Variants in MYO9A observed in about 807,000 individuals in gnomAD.
MYO9A encodes the protein unconventional myosin-IXa.
Under a neutral mutation model 293.3 loss-of-function variants are expected in MYO9A, and 103 were observed. That is an observed-to-expected ratio of 0.35 (90% confidence interval 0.30 to 0.41). The LOEUF is 0.41. MYO9A is among the 10% of genes least tolerant of loss of function. The pLI is 1.00. For synonymous variants in MYO9A, 1,001 were observed against 1,035.7 expected (o/e 0.97, Z 0.64); for missense variants, 2,685 against 3,033.0 (o/e 0.89, Z 2.69).
At chr15:71,843,084 T>A (rs2055233821) in intron 39 of MYO9A, among the ~76,000 whole-genome samples, 1 of 152,112 alleles carries the variant, frequency 6.6e-6, no homozygotes, top group South Asian at 2.1e-4. Flanking sequence ...TGTCTGATGT[T>A]TTTATGAGAG....
chr15:71,895,408 C>T (rs1273040740), intron 25 of MYO9A, among the ~76,000 whole-genome samples: 1 of 152,210 alleles, frequency 6.6e-6, no homozygotes, highest in African/African-American at 2.4e-5. Context: ...ATCACCACTA[C>T]AGTACAAAAG....
intron 38 of MYO9A, among the ~76,000 whole-genome samples, chr15:71,849,632 T>C (rs931114148): frequency 6.6e-6 from 1 of 150,578 alleles, no homozygotes; most frequent in Admixed American, 6.6e-5. Flanking sequence ...AAAACCATGT[T>C]AGAAGGAAAG....
chr15:72,020,659 A>G (rs987285253), intron 5 of MYO9A, among the ~76,000 whole-genome samples: 3 of 152,210 alleles, frequency 2.0e-5, no homozygotes, highest in African/African-American at 7.2e-5. Context: ...AGAAATATCA[A>G]TAAACAGCTT....
chr15:72,026,701 C>T lies in MYO9A; in HGVS notation c.998+1030G>A, dbSNP rs1395938230. The stretch of plus-strand genomic sequence containing the variant: ...CTTCAAAATTAAACTTTTATCTAAA[C>T]TGATGAGACAGACAGAGAAAGAAGC... On this transcript the variant is annotated intron_variant, in intron 4 of 41. Transcript: ENST00000356056. Among the ~76,000 whole-genome samples, 5 of 152,084 alleles carry T rather than the reference C, an allele frequency of 3.3e-5. No individual in the cohort carries two copies. In the East Asian group the frequency reaches 9.7e-4, roughly 29 times the overall value.
intron 32 of MYO9A, among the ~76,000 whole-genome samples, chr15:71,863,159 C>T (rs1230157221): frequency 6.6e-6 from 1 of 151,832 alleles, no homozygotes. Context: ...GTCTTGAACT[C>T]CTGATCTCAA....
At chr15:72,004,005 C>T (rs943893650) in intron 8 of MYO9A, among the ~76,000 whole-genome samples, 7 of 152,224 alleles carry the variant, frequency 4.6e-5, no homozygotes, top group African/African-American at 1.7e-4. Context: ...AAAAACCTGA[C>T]AAAGATTGTA....
Position 71,878,103 on chromosome 15 carries a change from A to G in MYO9A, c.5868T>C (p.Thr1956=). The G allele has an allele frequency of 1.2e-6, 2 of 1,611,726 alleles. No homozygotes were observed. Among genetic ancestry groups the G allele is most frequent in the Non-Finnish European group, 8.5e-7 (1 of 1,179,366 alleles). The change falls in exon 31 of 42, where the codon ACT becomes ACC. Residue 1956 remains threonine (T), a synonymous_variant. Coordinates refer to ENST00000356056, the MANE Select transcript of MYO9A (RefSeq NM_006901.4). ...TATATTCATCTAAAAACACTTTAAA[A>G]GTGTTGACCCAAACTCTCACTGGAG... ...GESPVRVWVN[T]FKVFLDEYMN... is the part of the protein sequence containing the mutation.
At chr15:71,842,391 C>CA (rs1345563438) in intron 39 of MYO9A, among the ~76,000 whole-genome samples, 1 of 151,060 alleles carries the variant, frequency 6.6e-6, no homozygotes, top group Admixed American at 6.6e-5. Flanking sequence ...AAAAAGCAAA[C>CA]AAAAAATTAA....
chr15:72,030,781 C>T (rs1459835781), intron 3 of MYO9A, among the ~76,000 whole-genome samples: 1 of 152,122 alleles, frequency 6.6e-6, no homozygotes, highest in East Asian at 1.9e-4. Context: ...ACCTCAGCCT[C>T]CCAAAGTGGT....
intron 26 of MYO9A, chr15:71,888,682 G>C (rs2057090164): frequency 6.6e-6 from 1 of 152,166 alleles, no homozygotes; most frequent in Admixed American, 6.5e-5. Context: ...TTAATTGGCA[G>C]TTCTTGTTCC....
intron 35 of MYO9A, 39 bp downstream of exon 35, chr15:71,854,338 T>C (rs1029214314): frequency 7.5e-7 from 1 of 1,341,866 alleles, no homozygotes; most frequent in African/African-American, 1.5e-5. Context: ...ACTATTTAAA[T>C]AAAAGTATTT....
At chr15:72,100,655 C>T (rs2080250099) in intron 1 of MYO9A, among the ~76,000 whole-genome samples, 1 of 151,742 alleles carries the variant, frequency 6.6e-6, no homozygotes, top group South Asian at 2.1e-4. Context: ...CGCCACGACC[C>T]CGTCTGGGAG....
intron 1 of MYO9A, among the ~76,000 whole-genome samples, chr15:72,100,498 C>A (rs2080239679): frequency 6.6e-6 from 1 of 151,818 alleles, no homozygotes; most frequent in South Asian, 2.1e-4. Flanking sequence ...CGGCCGCCAT[C>A]CCATCTAGGA....
chr15:71,843,870 C>CATAA (rs2055273951), intron 39 of MYO9A, among the ~76,000 whole-genome samples: 2 of 152,264 alleles, frequency 1.3e-5, no homozygotes, highest in Admixed American at 1.3e-4. Context: ...CATTCCCTAT[C>CATAA]ATAAATATAA....
chr15:71,853,378 T>C (rs1301047868), intron 35 of MYO9A, among the ~76,000 whole-genome samples: 1 of 152,186 alleles, frequency 6.6e-6, no homozygotes, highest in African/African-American at 2.4e-5. Context: ...ACTTATAAAC[T>C]CCCTAAGGAT....
At chr15:72,000,574 T>C (rs1010477236) in intron 8 of MYO9A, among the ~76,000 whole-genome samples, 2 of 152,262 alleles carry the variant, frequency 1.3e-5, no homozygotes, top group Admixed American at 1.3e-4. Flanking sequence ...CAAATGACTT[T>C]AATGTTTATC....
chr15:71,951,916 C>CA lies in MYO9A; in HGVS notation c.2183-21dup. ...CATGTCCTTAGGAAGCAAAAAAAAACAAACAAAAAAAAAAGGAGAAAAGAA... is the reference window on the plus strand; with the variant it reads ...CATGTCCTTAGGAAGCAAAAAAAAACAAAACAAAAAAAAAAGGAGAAAAGAA... On this transcript the variant is annotated intron_variant, in intron 14 of 41. Transcript: ENST00000356056. 4 of 1,533,478 alleles carry CA rather than the reference C, an allele frequency of 2.6e-6. No individual in the cohort carries two copies. The highest frequency in any genetic ancestry group is 2.5e-5 in the South Asian group (2 of 78,784). 95.0% of individuals were successfully genotyped at this position (1,533,478 alleles called of 1,614,324 possible).
chr15:72,118,029 TCTC>T lies in MYO9A; in HGVS notation c.-424_-422del. 7.6e-6 allele frequency: 3 copies of T among 397,072 alleles called. No individual in the cohort carries two copies. Among genetic ancestry groups the T allele is most frequent in the Non-Finnish European group, 1.3e-5 (3 of 225,054 alleles). The allele number at this position is 397,072 out of a possible 1,614,324, so 24.6% of individuals were successfully genotyped here. ...TCGCAGTCCGGGCTGTCCTGTACTC[TCTC>T]AACAGACACAGCCAACCGCCGCCGC... On this transcript the variant is annotated 5_prime_UTR_variant, in exon 1 of 42. Transcript: ENST00000356056.
At chr15:71,962,161 C>G (rs12438985) in intron 13 of MYO9A, among the ~76,000 whole-genome samples, 1 of 152,128 alleles carries the variant, frequency 6.6e-6, no homozygotes, top group Admixed American at 6.5e-5. Context: ...GGAGAGTAAG[C>G]TTCCACTCTG....
Sources: allele counts gnomAD v4.1 joint callset (sites outside exome capture counted in the v4.1 genomes callset), GRCh38; gene constraint gnomAD v4.1.1; transcripts MANE v1.5; gene names NCBI Gene and HGNC (gene_info 2026-07-23, HGNC 2026-07-21).